POLR1E: variants seen among roughly 807,000 people sequenced by gnomAD.
The protein encoded by POLR1E is DNA-directed RNA polymerase I subunit RPA49.
A neutral mutation model predicts 50.9 loss-of-function variants in POLR1E; 37 were observed. That is an observed-to-expected ratio of 0.73 (90% CI 0.56 to 0.96). POLR1E has a LOEUF of 0.96. Among genes scored for constraint, POLR1E ranks in the 40% least tolerant of loss-of-function variants. The pLI is 0.00. For missense variants in POLR1E, 426 were observed against 518.1 expected (o/e 0.82, Z 1.73); for synonymous variants, 166 against 191.6 (o/e 0.87, Z 1.10).
At chr9:37,501,975 A>G in intron 11 of POLR1E, 131 bp downstream of exon 11, 1 of 945,122 alleles carries the variant, frequency 1.1e-6, no homozygotes, top group Non-Finnish European at 1.5e-6. Context: ...GAACTAAAGG[A>G]CTATTTTCAA....
chr9:37,492,743 A>G (rs1036549303), intron 5 of POLR1E, 28 bp downstream of exon 5: 5 of 1,606,816 alleles, frequency 3.1e-6, no homozygotes, highest in East Asian at 2.2e-5. Flanking sequence ...AAGATGTGGG[A>G]CCTTAAGCAA....
intron 11 of POLR1E, among the ~76,000 whole-genome samples, chr9:37,502,718 A>G (rs547630257): frequency 7.2e-5 from 11 of 152,342 alleles, no homozygotes; most frequent in Non-Finnish European, 1.3e-4. Flanking sequence ...GGAACCTGTC[A>G]GATTCTAGCA....
At chr9:37,500,590 C>T (rs1186413447) in intron 9 of POLR1E, among the ~76,000 whole-genome samples, 1 of 152,212 alleles carries the variant, frequency 6.6e-6, no homozygotes, top group Admixed American at 6.5e-5. Flanking sequence ...GGTCCTTAGG[C>T]CTCAGGCTGT....
Position 37,493,588 on chromosome 9 carries a change from C to T in POLR1E, c.432C>T (p.Thr144=), listed in dbSNP as rs772317482. The T allele has an allele frequency of 1.2e-6, 2 of 1,608,312 alleles. No individual in the cohort carries two copies. The highest frequency in any genetic ancestry group is 2.2e-5 in the East Asian group (1 of 44,634). The change falls in exon 6 of 12, where the codon ACC becomes ACT. Residue 144 remains threonine (T), a synonymous_variant. Transcript: ENST00000377798. The stretch of plus-strand genomic sequence containing the variant: ...ATTCTTGTATTGAAGCCTTTGGTAC[C>T]ACCAAACAGAAGCGAGCTCTGAACA... ...KMDSCIEAFG[T]TKQKRALNTR... is the part of the protein sequence containing the mutation.
At chr9:37,496,623 C>CTTTTTTT (rs376455174) in intron 8 of POLR1E, among the ~76,000 whole-genome samples, 2 of 112,492 alleles carry the variant, frequency 1.8e-5, no homozygotes, top group Non-Finnish European at 3.7e-5. Flanking sequence ...ATTATTATTT[C>CTTTTTTT]TTTTTTTTTT....
rs759651576 is a variant in POLR1E, at chr9:37,500,906, C to T, written c.953C>T (p.Thr318Ile). 12 of 1,613,354 alleles carry T rather than the reference C, an allele frequency of 7.4e-6. No homozygotes were observed. In the South Asian group the frequency reaches 1.3e-4, roughly 18 times the overall value. Residue 318 changes from threonine to isoleucine, a missense_variant, in exon 10 of 12, where the codon ACC (threonine) becomes ATC (isoleucine). Thr to Ile is a moderately conservative substitution (Grantham distance 89). Coordinates refer to ENST00000377798, the MANE Select transcript of POLR1E (RefSeq NM_022490.4). ...CTGCTGAAGCACTTTACTTGCTTGA[C>T]CTACAACAATGGCAGGTCAGGGGGT... ...TKLLKHFTCL[T>I]YNNGRLRNLI...
At chr9:37,486,914 A>C in intron 2 of POLR1E, 108 bp downstream of exon 2, 1 of 1,347,894 alleles carries the variant, frequency 7.4e-7, no homozygotes, top group Non-Finnish European at 1.0e-6. Context: ...GTAGTAGCAA[A>C]TGGAGCTTTG....
intron 8 of POLR1E, 33 bp from the exon 9 acceptor site, chr9:37,498,058 G>A: frequency 5.6e-6 from 9 of 1,607,120 alleles, no homozygotes; most frequent in Non-Finnish European, 7.6e-6. Context: ...ATCTTACCCT[G>A]ACACAGGCCT....
At chr9:37,498,264 T>TAA in intron 9 of POLR1E, 40 bp downstream of exon 9, 1 of 1,579,596 alleles carries the variant, frequency 6.3e-7, no homozygotes. Context: ...TTGTTTCCAG[T>TAA]ATATTATTTG....
In POLR1E at chr9:37,500,757, G is replaced by A. The variant is rs1031693077; in HGVS notation, c.887-83G>A. 5.1e-5 allele frequency: 56 copies of A among 1,102,060 alleles called. No individual in the cohort carries two copies. In the Admixed American group the frequency reaches 9.7e-4, roughly 19 times the overall value. The allele number at this position is 1,102,060 out of a possible 1,614,324, so 68.3% of individuals were successfully genotyped here. A position where few individuals can be genotyped will look rare whatever the true frequency, so the allele number is the denominator to read the frequency against. ...TTCTGGTCATTGCAGTGGCCCAGCT[G>A]TTGGCCTTTTCTCTTAGCTCATGGT... On this transcript the variant is annotated intron_variant, in intron 9 of 11. Transcript: ENST00000377798.
intron 4 of POLR1E, 119 bp downstream of exon 4, chr9:37,489,519 G>GT (rs1490018348): frequency 8.7e-6 from 6 of 691,898 alleles, no homozygotes; most frequent in Admixed American, 3.6e-5. Context: ...TATTTATTCT[G>GT]TTTTTTCTGC....
At chr9:37,498,270 A>T in intron 9 of POLR1E, 46 bp downstream of exon 9, 1 of 1,567,098 alleles carries the variant, frequency 6.4e-7, no homozygotes. Flanking sequence ...CCAGTATATT[A>T]TTTGTCTGTA....
intron 4 of POLR1E, chr9:37,492,401 C>T: frequency 9.4e-7 from 1 of 1,060,148 alleles, no homozygotes; most frequent in Non-Finnish European, 1.3e-6. Context: ...TGTGGGCCTT[C>T]TGTTTTTTAA....
At chr9:37,490,837 A>G (rs1267253573) in intron 4 of POLR1E, 3 of 581,844 alleles carry the variant, frequency 5.2e-6, no homozygotes, top group East Asian at 8.4e-5. Context: ...CATGTTTTCT[A>G]AAAGGTCTAG....
chr9:37,498,828 G>C (rs1401358882), intron 9 of POLR1E, among the ~76,000 whole-genome samples: 1 of 152,180 alleles, frequency 6.6e-6, no homozygotes, highest in Non-Finnish European at 1.5e-5. Context: ...CTGTGATTGG[G>C]CATCCAGTAG....
At chr9:37,493,793 T>G in intron 6 of POLR1E, 90 bp downstream of exon 6, 11 of 1,336,128 alleles carry the variant, frequency 8.2e-6, no homozygotes, top group Non-Finnish European at 9.9e-6. Context: ...CATGGAATGC[T>G]GGGAGCTAGG....
At chr9:37,493,881 C>T (rs535878828) in intron 6 of POLR1E, among the ~76,000 whole-genome samples, 178 bp downstream of exon 6, 21 of 152,310 alleles carry the variant, frequency 1.4e-4, no homozygotes, top group African/African-American at 5.1e-4. Context: ...TCCGACATGG[C>T]TTTGTCTTCT....
chr9:37,488,017 C>G, intron 3 of POLR1E, 78 bp downstream of exon 3: 2 of 1,442,208 alleles, frequency 1.4e-6, no homozygotes, highest in Non-Finnish European at 1.9e-6. Flanking sequence ...TGTTTCCTGT[C>G]TGTTTTAAGG....
At position 37,499,297 on chromosome 9, in the gene POLR1E, C is replaced by CG. The variant is rs748167413; in HGVS notation, c.886+1074dup. 5.3e-5 allele frequency among the ~76,000 whole-genome samples: 8 copies of CG among 152,036 alleles called. No individual in the cohort carries two copies. In the East Asian group the frequency reaches 1.6e-3, roughly 30 times the overall value. ...TAAAAACATTAGCTGGGGTGGTGCA[C>CG]GCCTGTATTCCCAGCTATTTGGGAG... On this transcript the variant is annotated intron_variant, in intron 9 of 11. Transcript: ENST00000377798.
Sources: allele counts gnomAD v4.1 joint callset (sites outside exome capture counted in the v4.1 genomes callset), GRCh38; gene constraint gnomAD v4.1.1; transcripts MANE v1.5; gene names NCBI Gene and HGNC (gene_info 2026-07-23, HGNC 2026-07-21).